The following GPC6 variants were observed in gnomAD, a reference collection of about 807,000 sequenced individuals.
GPC6 encodes the protein glypican-6.
In GPC6, 14 loss-of-function variants were observed where a neutral mutation model predicts 55.2. The ratio of observed to expected loss-of-function variants is 0.25; its 90% CI spans 0.17 to 0.40. The LOEUF (loss-of-function observed/expected upper bound fraction) is 0.40. Among genes scored for constraint, GPC6 ranks in the 10% least tolerant of loss-of-function variants. The probability of loss-of-function intolerance (pLI) is 1.00; values close to 1 mark genes in which losing one functional copy is unlikely to be tolerated. For missense variants in GPC6, 641 were observed against 708.5 expected, an observed-to-expected ratio of 0.90 and a Z score of 1.08; for synonymous variants, 278 against 259.6, an observed-to-expected ratio of 1.07 and a Z score of -0.68.
At chr13:94,001,998 T>C (rs546115960) in intron 3 of GPC6, among the ~76,000 whole-genome samples, 1 of 152,132 alleles carries the variant, frequency 6.6e-6, no homozygotes, top group East Asian at 1.9e-4. Flanking sequence ...TGCTTATTGG[T>C]GCTTGTTAAA....
At chr13:94,129,693 C>T (rs1330430142) in intron 4 of GPC6, among the ~76,000 whole-genome samples, 1 of 152,072 alleles carries the variant, frequency 6.6e-6, no homozygotes, top group Non-Finnish European at 1.5e-5. Flanking sequence ...CTTCTGTCCC[C>T]TGTGTAACTA....
chr13:94,070,263 A>T (rs1884679549), intron 4 of GPC6, among the ~76,000 whole-genome samples: 1 of 152,166 alleles, frequency 6.6e-6, no homozygotes, highest in Non-Finnish European at 1.5e-5. Context: ...AGAACAGCAC[A>T]GGAAAGACCC....
chr13:93,878,256 A>G (rs1874714105), intron 3 of GPC6, among the ~76,000 whole-genome samples: 1 of 151,944 alleles, frequency 6.6e-6, no homozygotes, highest in South Asian at 2.1e-4. Flanking sequence ...GGCATTTAGG[A>G]GGTAATTAGG....
chr13:94,097,803 A>T (rs1418731555), intron 4 of GPC6, among the ~76,000 whole-genome samples: 1 of 152,182 alleles, frequency 6.6e-6, no homozygotes, highest in East Asian at 1.9e-4. Context: ...TCAAATTTGC[A>T]CTAAATTCTC....
At chr13:94,065,176 A>G (rs1355895199) in intron 4 of GPC6, among the ~76,000 whole-genome samples, 1 of 152,108 alleles carries the variant, frequency 6.6e-6, no homozygotes, top group Non-Finnish European at 1.5e-5. Context: ...AACGCATGGC[A>G]TATGCTTTGC....
chr13:93,288,823 C>G (rs149949037), intron 1 of GPC6, among the ~76,000 whole-genome samples: 2 of 152,114 alleles, frequency 1.3e-5, no homozygotes, highest in African/African-American at 4.8e-5. Context: ...AATACTTAGC[C>G]CACTAAGGTG....
chr13:93,565,184 C>T (rs1318520034), intron 2 of GPC6, among the ~76,000 whole-genome samples: 1 of 152,092 alleles, frequency 6.6e-6, no homozygotes, highest in Non-Finnish European at 1.5e-5. Flanking sequence ...GGACCTGTGT[C>T]TCCATTTCTG....
intron 1 of GPC6, among the ~76,000 whole-genome samples, chr13:93,459,513 A>G (rs1331855517): frequency 6.6e-6 from 1 of 152,194 alleles, no homozygotes; most frequent in Non-Finnish European, 1.5e-5. Context: ...CTAAATGAAA[A>G]CAACGGACTT....
At chr13:94,094,324 A>C (rs1425553378) in intron 4 of GPC6, among the ~76,000 whole-genome samples, 1 of 152,176 alleles carries the variant, frequency 6.6e-6, no homozygotes, top group Non-Finnish European at 1.5e-5. Flanking sequence ...AGCTTTAAAC[A>C]AAAGTGTATT....
At chr13:93,365,155 G>T (rs149947595) in intron 1 of GPC6, among the ~76,000 whole-genome samples, 3 of 152,106 alleles carry the variant, frequency 2.0e-5, no homozygotes, top group African/African-American at 7.2e-5. Context: ...TGGCTGATGC[G>T]TTCCCACAGT....
At chr13:93,777,257 G>A (rs1172159458) in intron 2 of GPC6, among the ~76,000 whole-genome samples, 2 of 152,076 alleles carry the variant, frequency 1.3e-5, no homozygotes, top group Non-Finnish European at 1.5e-5. Flanking sequence ...GTTTTCTTAC[G>A]TTCTCCACTT....
At chr13:93,728,067 T>C (rs921069453) in intron 2 of GPC6, among the ~76,000 whole-genome samples, 1 of 152,138 alleles carries the variant, frequency 6.6e-6, no homozygotes, top group Non-Finnish European at 1.5e-5. Context: ...GGTTTTAGCT[T>C]CAATCTACCT....
intron 1 of GPC6, among the ~76,000 whole-genome samples, chr13:93,400,633 C>T (rs1273685257): frequency 6.6e-6 from 1 of 152,000 alleles, no homozygotes; most frequent in Non-Finnish European, 1.5e-5. Flanking sequence ...ACGAATAACA[C>T]TTGAGGGGAT....
intron 2 of GPC6, among the ~76,000 whole-genome samples, chr13:93,695,968 A>G (rs1274881600): frequency 2.0e-5 from 3 of 152,184 alleles, no homozygotes. Flanking sequence ...TAAGAAGAAA[A>G]TAATTCCAGA....
In GPC6 at chr13:94,204,616, A is replaced by G. The variant is rs376801554; in HGVS notation, c.878-81733A>G. 3.9e-5 allele frequency among the ~76,000 whole-genome samples: 6 copies of G among 152,324 alleles called. No homozygotes were observed. The East Asian group carries it at 1.2e-3, about 29-fold the overall frequency. Reference sequence around the variant, plus strand: ...AACACATACAATAGTTATGGAAACAATACATCCCATAGATTTGAACTTATA... The same window carrying G: ...AACACATACAATAGTTATGGAAACAGTACATCCCATAGATTTGAACTTATA... On this transcript the variant is annotated intron_variant, in intron 4 of 8. Transcript: ENST00000377047.
Position 93,913,483 on chromosome 13 carries a change from T to G in GPC6, c.711+82938T>G, listed in dbSNP as rs79752684. Among the ~76,000 whole-genome samples, 1,069 of 152,302 alleles carry G rather than the reference T, an allele frequency of 7.0e-3. 14 individuals are homozygous for G. Among genetic ancestry groups the G allele is most frequent in the African/African-American group, 0.025 (1,025 of 41,572 alleles). ...ACAGCTTCACTCTCACAATGTTGGT[T>G]TTTTGTTTTGTTTTGTTTTGTTTTC... On this transcript the variant is annotated intron_variant, in intron 3 of 8. Transcript: ENST00000377047.
chr13:93,943,072 C>T (rs568571680), intron 3 of GPC6, among the ~76,000 whole-genome samples: 3 of 152,240 alleles, frequency 2.0e-5, no homozygotes, highest in African/African-American at 7.2e-5. Context: ...TTTTCAATAG[C>T]ACTTTATTGC....
chr13:93,919,920 G>A (rs185548942), intron 3 of GPC6, among the ~76,000 whole-genome samples: 4 of 152,180 alleles, frequency 2.6e-5, no homozygotes, highest in Non-Finnish European at 2.9e-5. Context: ...AGCCTCTCGC[G>A]TAGACACGCA....
At chr13:93,572,517 G>A (rs965954221) in intron 2 of GPC6, among the ~76,000 whole-genome samples, 11 of 152,066 alleles carry the variant, frequency 7.2e-5, no homozygotes, top group East Asian at 1.9e-4. Flanking sequence ...GTATGACCCC[G>A]CAATCTGTGA....
Sources: gnomAD v4.1 joint callset for allele counts (sites outside exome capture counted in the v4.1 genomes callset) on GRCh38, gnomAD v4.1.1 for gene constraint, MANE v1.5 for transcripts, NCBI Gene and HGNC (gene_info 2026-07-23, HGNC 2026-07-21) for gene names.